PAM: variants seen among roughly 807,000 people sequenced by gnomAD.
PAM encodes peptidyl-glycine alpha-amidating monooxygenase.
Under a neutral mutation model 122.1 loss-of-function variants are expected in PAM, and 72 were observed. That is an observed-to-expected ratio of 0.59 (90% CI 0.49 to 0.72). The LOEUF (loss-of-function observed/expected upper bound fraction) is 0.72. Among genes scored for constraint, PAM ranks in the 30% least tolerant of loss-of-function variants. PAM has a pLI of 0.00. For synonymous variants in PAM, 389 were observed against 404.4 expected (o/e 0.96, Z 0.46); for missense variants, 1,106 against 1,183.7 (o/e 0.93, Z 0.96).
At chr5:103,011,378 TCA>T (rs71226932) in intron 21 of PAM, among the ~76,000 whole-genome samples, 38,229 of 148,506 alleles carry the variant, frequency 0.26, 5,161 homozygotes, top group East Asian at 0.43. Flanking sequence ...AAACACACAC[TCA>T]CACACACACA....
intron 14 of PAM, among the ~76,000 whole-genome samples, chr5:102,970,726 T>C (rs1436107606): frequency 6.6e-6 from 1 of 152,200 alleles, no homozygotes; most frequent in Non-Finnish European, 1.5e-5. Context: ...CAGTAACCAA[T>C]TAGCTGTAGT....
intron 3 of PAM, among the ~76,000 whole-genome samples, chr5:102,881,282 A>G (rs751872073): frequency 1.1e-4 from 16 of 152,014 alleles, no homozygotes; most frequent in Non-Finnish European, 1.9e-4. Flanking sequence ...CAAGCAGCCC[A>G]AAAGAAAAGT....
intron 3 of PAM, among the ~76,000 whole-genome samples, chr5:102,881,127 C>CAT (rs1410677622): frequency 1.8e-3 from 179 of 101,518 alleles, no homozygotes; most frequent in African/African-American, 6.8e-3. Flanking sequence ...AATTTTTATA[C>CAT]ATACACACAC....
chr5:102,842,624 A>T (rs1321093481), intron 1 of PAM, among the ~76,000 whole-genome samples: 4 of 152,206 alleles, frequency 2.6e-5, no homozygotes, highest in Admixed American at 2.6e-4. Context: ...AGACTAACAC[A>T]AATATGTACA....
chr5:102,957,888 G>A (rs1407490245), intron 12 of PAM, among the ~76,000 whole-genome samples: 1 of 152,086 alleles, frequency 6.6e-6, no homozygotes, highest in Non-Finnish European at 1.5e-5. Flanking sequence ...AAGTTTTGTG[G>A]TAATAATTGT....
Position 102,867,264 on chromosome 5 carries a change from T to C in PAM, c.90-9T>C, listed in dbSNP as rs1411407755. ...GTTCAAGAATATTGAAATTGCCCTCTTTTTTAAGGTTTAAAGAAACTACCA... is the reference window on the plus strand; with the variant it reads ...GTTCAAGAATATTGAAATTGCCCTCCTTTTTAAGGTTTAAAGAAACTACCA... On this transcript the variant is annotated splice_polypyrimidine_tract_variant and intron_variant, in intron 2 of 25. Transcript: ENST00000438793. 1 of 1,588,436 alleles carries C rather than the reference T, an allele frequency of 6.3e-7. No individual in the cohort carries two copies. The highest frequency in any genetic ancestry group is 8.6e-7 in the Non-Finnish European group (1 of 1,158,214).
chr5:102,851,354 A>G (rs1174332149), intron 1 of PAM, among the ~76,000 whole-genome samples: 5 of 152,196 alleles, frequency 3.3e-5, no homozygotes, highest in Admixed American at 1.3e-4. Flanking sequence ...TTGGAACTCA[A>G]TAAAGAATAT....
rs978229239 is a variant in PAM, at chr5:103,025,266, T to C, written c.2621T>C (p.Val874Ala). Residue 874 changes from valine (V) to alanine (A), a missense_variant, in exon 24 of 26, where the codon GTT becomes GCT. Physicochemically the swap from Val to Ala is moderately conservative, Grantham distance 64. Coordinates refer to ENST00000438793, the MANE Select transcript of PAM (RefSeq NM_001177306.2). Reference protein sequence around the residue: ...VPVVLITTLLVIPVVVLLAIA... With the variant: ...VPVVLITTLLAIPVVVLLAIA... Reference sequence around the variant, plus strand: ...GTTGTTCTCATTACAACCCTTCTGGTTATTCCGGTGGTTGTCCTGCTGGCC... The same window carrying C: ...GTTGTTCTCATTACAACCCTTCTGGCTATTCCGGTGGTTGTCCTGCTGGCC... 6.2e-7 allele frequency: 1 copy of C among 1,613,664 alleles called. No individual in the cohort carries two copies. Among genetic ancestry groups the C allele is most frequent in the African/African-American group, 1.3e-5 (1 of 74,874 alleles).
chr5:102,817,057 A>C (rs771169758), intron 1 of PAM, among the ~76,000 whole-genome samples: 1 of 151,980 alleles, frequency 6.6e-6, no homozygotes, highest in African/African-American at 2.4e-5. Flanking sequence ...TCCTATGGGG[A>C]TGCATGTTTA....
At chr5:102,896,345 A>T (rs942258513) in intron 3 of PAM, among the ~76,000 whole-genome samples, 1 of 151,712 alleles carries the variant, frequency 6.6e-6, no homozygotes, top group African/African-American at 2.4e-5. Context: ...TCTGGGATGA[A>T]TCAACTGAAG....
At chr5:102,852,003 T>C (rs1389483978) in intron 1 of PAM, among the ~76,000 whole-genome samples, 3 of 152,238 alleles carry the variant, frequency 2.0e-5, no homozygotes, top group East Asian at 1.9e-4. Flanking sequence ...AAAAAAGCAG[T>C]AATCTGTACA....
At chr5:102,929,831 A>G (rs1334537971) in intron 7 of PAM, among the ~76,000 whole-genome samples, 1 of 151,974 alleles carries the variant, frequency 6.6e-6, no homozygotes, top group African/African-American at 2.4e-5. Flanking sequence ...ACAAATTCAT[A>G]AACTTTCTTA....
At chr5:103,030,263 A>G (rs753863864), downstream of PAM, 3 of 152,186 alleles carry the variant, frequency 2.0e-5, no homozygotes, top group African/African-American at 4.8e-5. Context: ...TCTCTAAAAT[A>G]AAATACAATT....
chr5:102,924,812 G>C, intron 5 of PAM, 145 bp from the exon 6 acceptor site: 2 of 549,526 alleles, frequency 3.6e-6, no homozygotes, highest in Non-Finnish European at 6.6e-6. Context: ...GTCTTTATTC[G>C]GATCTTAAAG....
At chr5:102,977,081 G>GGAACTGTAATATGAT (rs1469831853) in intron 15 of PAM, among the ~76,000 whole-genome samples, 12 of 152,128 alleles carry the variant, frequency 7.9e-5, no homozygotes, top group Admixed American at 3.9e-4. Flanking sequence ...TCTATATGTT[G>GGAACTGTAATATGAT]GAACTGTAAT....
At chr5:103,022,169 A>T (rs1330912759) in intron 23 of PAM, among the ~76,000 whole-genome samples, 3 of 151,610 alleles carry the variant, frequency 2.0e-5, no homozygotes, top group Non-Finnish European at 4.4e-5. Flanking sequence ...AAAATAAAAA[A>T]ACCTCTTTAG....
At chr5:102,789,625 G>C (rs1005019588) in intron 1 of PAM, among the ~76,000 whole-genome samples, 4 of 152,066 alleles carry the variant, frequency 2.6e-5, no homozygotes, top group African/African-American at 4.8e-5. Flanking sequence ...AGTTGCTCGG[G>C]GCTGGGAGGA....
At chr5:102,902,247 T>C (rs1561824981) in intron 4 of PAM, among the ~76,000 whole-genome samples, 1 of 151,638 alleles carries the variant, frequency 6.6e-6, no homozygotes, top group Non-Finnish European at 1.5e-5. Context: ...TTGTGAAATG[T>C]GTACAGTAGC....
intron 1 of PAM, among the ~76,000 whole-genome samples, chr5:102,856,542 T>C (rs889676160): frequency 1.6e-4 from 24 of 152,170 alleles, no homozygotes; most frequent in African/African-American, 2.4e-5. Flanking sequence ...ATTTGATACA[T>C]GTGTTAGGAA....
Sources: allele counts gnomAD v4.1 joint callset (sites outside exome capture counted in the v4.1 genomes callset), GRCh38; gene constraint gnomAD v4.1.1; transcripts MANE v1.5; gene names NCBI Gene and HGNC (gene_info 2026-07-23, HGNC 2026-07-21).